The following RBFOX1 variants were observed in gnomAD, a reference collection of about 807,000 sequenced individuals.
RBFOX1 encodes the protein RNA binding fox-1 homolog 1.
A neutral mutation model predicts 57.7 loss-of-function variants in RBFOX1; 8 were observed. The ratio of observed to expected loss-of-function variants is 0.14; its 90% CI spans 0.08 to 0.25. The LOEUF is 0.25. RBFOX1 is among the 10% of genes least tolerant of loss of function. The probability of loss-of-function intolerance (pLI) is 1.00; values close to 1 mark genes in which losing one functional copy is unlikely to be tolerated. For missense variants in RBFOX1, 611 were observed against 548.5 expected (o/e 1.11, Z -1.14); for synonymous variants, 326 against 222.4 (o/e 1.47, Z -4.15).
intron 1 of RBFOX1, among the ~76,000 whole-genome samples, chr16:6,187,562 C>G (rs1460681440): frequency 6.6e-6 from 1 of 152,210 alleles, no homozygotes; most frequent in African/African-American, 2.4e-5. Flanking sequence ...CTCTGGAAAA[C>G]AGATTGGAGA....
chr16:5,742,230 TCCTTCCTCCCTTCCTTCCTTCCTC>T lies in RBFOX1; in HGVS notation c.319-125065_319-125042del, dbSNP rs796806904. Among the ~76,000 whole-genome samples the T allele has an allele frequency of 2.1e-3, 178 of 83,420 alleles. 2 individuals are homozygous for T. The highest frequency in any genetic ancestry group is 6.0e-3 in the African/African-American group (172 of 28,536). The allele number at this position is 83,420 out of a possible 152,430, so 54.7% of individuals were successfully genotyped here. ...TTCCTCCTTTCCTTCCTCCCTTCCT[TCCTTCCTCCCTTCCTTCCTTCCTC>T]CCTTCCTTCTTTCCTTTCTTCCTCC... On this transcript the variant is annotated intron_variant, in intron 3 of 19. Coordinates refer to the RBFOX1 transcript ENST00000641259.
chr16:7,192,295 G>A (rs369905157), intron 4 of RBFOX1, among the ~76,000 whole-genome samples: 20 of 152,252 alleles, frequency 1.3e-4, no homozygotes, highest in African/African-American at 4.1e-4. Flanking sequence ...TGAATCTGAC[G>A]TTAGGGAAAA....
chr16:6,371,925 C>G (rs758551455), intron 2 of RBFOX1, among the ~76,000 whole-genome samples: 1 of 152,148 alleles, frequency 6.6e-6, no homozygotes, highest in Non-Finnish European at 1.5e-5. Flanking sequence ...GCTGTGAGAC[C>G]CTTCAGAAGA....
chr16:6,560,166 C>T (rs1374156774), intron 2 of RBFOX1, among the ~76,000 whole-genome samples: 2 of 107,202 alleles, frequency 1.9e-5, no homozygotes, highest in African/African-American at 8.1e-5. Flanking sequence ...AATTCGTTTG[C>T]CATTTATCAA....
chr16:6,093,258 C>T (rs1418289801), intron 1 of RBFOX1, among the ~76,000 whole-genome samples: 1 of 151,990 alleles, frequency 6.6e-6, no homozygotes, highest in Non-Finnish European at 1.5e-5. Flanking sequence ...TGTTATTATT[C>T]AATAAAGAAT....
At chr16:5,308,273 A>G (rs12051349) in intron 1 of RBFOX1, among the ~76,000 whole-genome samples, 96,747 of 151,224 alleles carry the variant, frequency 0.64, 32,076 homozygotes, top group South Asian at 0.78. Flanking sequence ...GTTGCAGTGA[A>G]CTGAGATTGC....
chr16:7,406,995 C>T (rs2098353762), intron 4 of RBFOX1, among the ~76,000 whole-genome samples: 1 of 152,128 alleles, frequency 6.6e-6, no homozygotes. Context: ...CTCTTAAGGA[C>T]CCAAGTGAGT....
At chr16:6,534,967 G>A (rs1383245069) in intron 2 of RBFOX1, among the ~76,000 whole-genome samples, 1 of 152,132 alleles carries the variant, frequency 6.6e-6, no homozygotes, top group Non-Finnish European at 1.5e-5. Flanking sequence ...TGTAGCAGGA[G>A]GTATGAGCTT....
intron 4 of RBFOX1, among the ~76,000 whole-genome samples, chr16:7,084,981 TCC>T (rs773756855): frequency 0.011 from 1,629 of 152,296 alleles, 15 homozygotes; most frequent in Non-Finnish European, 0.016. Context: ...TGTCTGTCCA[TCC>T]GTCCATCCAT....
At chr16:7,042,361 A>G (rs1426178250) in intron 3 of RBFOX1, among the ~76,000 whole-genome samples, 1 of 152,154 alleles carries the variant, frequency 6.6e-6, no homozygotes, top group Non-Finnish European at 1.5e-5. Context: ...GGTGATTCAG[A>G]GAGGAAACCT....
chr16:5,500,906 T>C (rs1428010152), intron 2 of RBFOX1, among the ~76,000 whole-genome samples: 1 of 152,184 alleles, frequency 6.6e-6, no homozygotes, highest in Non-Finnish European at 1.5e-5. Flanking sequence ...AGAGATGTCA[T>C]GTAAGGACAA....
chr16:6,722,652 C>G (rs954870284), intron 3 of RBFOX1, among the ~76,000 whole-genome samples: 2 of 152,150 alleles, frequency 1.3e-5, no homozygotes, highest in South Asian at 2.1e-4. Flanking sequence ...CAACTGGAAA[C>G]CATTTAAATA....
At chr16:5,942,257 A>G (rs1011228107) in intron 4 of RBFOX1, among the ~76,000 whole-genome samples, 1 of 152,126 alleles carries the variant, frequency 6.6e-6, no homozygotes, top group African/African-American at 2.4e-5. Context: ...TTTTTGAAAT[A>G]TAGTTTGATT....
At chr16:5,313,440 T>C (rs1384644318) in intron 1 of RBFOX1, among the ~76,000 whole-genome samples, 2 of 152,176 alleles carry the variant, frequency 1.3e-5, no homozygotes, top group African/African-American at 2.4e-5. Context: ...TCCTTTCCTG[T>C]AGAACAAACA....
At chr16:7,107,097 C>T (rs1483786159) in intron 4 of RBFOX1, among the ~76,000 whole-genome samples, 6 of 152,094 alleles carry the variant, frequency 3.9e-5, no homozygotes, top group East Asian at 1.9e-4. Context: ...AAGCCTGTTT[C>T]GAAAGTTGGG....
chr16:6,699,299 CTT>C (rs36062118), intron 3 of RBFOX1, among the ~76,000 whole-genome samples: 8,763 of 141,472 alleles, frequency 0.062, 621 homozygotes, highest in East Asian at 0.39. Flanking sequence ...CCCTATGTTA[CTT>C]TTTTTTTTTT....
chr16:7,451,357 G>C (rs1398930646), intron 4 of RBFOX1, among the ~76,000 whole-genome samples: 2 of 152,212 alleles, frequency 1.3e-5, no homozygotes, highest in East Asian at 1.9e-4. Flanking sequence ...TTTTGATTGA[G>C]ATAGTTTTGG....
At chr16:6,275,456 G>A (rs529104073) in intron 1 of RBFOX1, among the ~76,000 whole-genome samples, 31 of 152,212 alleles carry the variant, frequency 2.0e-4, no homozygotes, top group South Asian at 1.9e-3. Context: ...GATCTCATTC[G>A]CATCTCATAA....
intron 3 of RBFOX1, among the ~76,000 whole-genome samples, chr16:5,638,742 G>A (rs2048767487): frequency 6.6e-6 from 1 of 152,172 alleles, no homozygotes; most frequent in African/African-American, 2.4e-5. Flanking sequence ...CTACATCATA[G>A]AGCTTGAGTA....
Sources: allele counts gnomAD v4.1 joint callset (sites outside exome capture counted in the v4.1 genomes callset), GRCh38; gene constraint gnomAD v4.1.1; transcripts MANE v1.5; gene names NCBI Gene and HGNC (gene_info 2026-07-23, HGNC 2026-07-21).